Variants in APBB2 observed in about 807,000 individuals in gnomAD.
APBB2 encodes the protein amyloid beta precursor protein binding family B member 2.
In APBB2, 38 loss-of-function variants were observed where a neutral mutation model predicts 82.5. The ratio of observed to expected loss-of-function variants is 0.46; its 90% CI spans 0.36 to 0.60. APBB2 has a LOEUF of 0.60. Ranked by LOEUF, APBB2 falls within the 20% of genes least tolerant of loss-of-function variation. The probability of loss-of-function intolerance (pLI) is 0.00; values close to 1 mark genes in which losing one functional copy is unlikely to be tolerated. For synonymous variants in APBB2, 341 were observed against 368.2 expected, an observed-to-expected ratio of 0.93 and a Z score of 0.85; for missense variants, 772 against 972.3, an observed-to-expected ratio of 0.79 and a Z score of 2.74.
rs1553875174 is a variant in APBB2, at chr4:40,946,254, A to AAAAAAAAAAAAAAAAAAAAAAAAC, written c.836-1182_836-1181insGTTTTTTTTTTTTTTTTTTTTTTT. On this transcript the variant is annotated intron_variant, in intron 6 of 17. Transcript: ENST00000508593. ...CTCCAAAAAAAAAAAAAAAAAAAAAACATTCCCAAGGAAAGCAGATTGGAA... is the reference window on the plus strand; with the variant it reads ...CTCCAAAAAAAAAAAAAAAAAAAAAAAAAAAAAAAAAAAAAAAAAAAAACCATTCCCAAGGAAAGCAGATTGGAA... Among the ~76,000 whole-genome samples the AAAAAAAAAAAAAAAAAAAAAAAAC allele has an allele frequency of 4.4e-4, 50 of 114,588 alleles. 5 individuals carry two copies. Among genetic ancestry groups the AAAAAAAAAAAAAAAAAAAAAAAAC allele is most frequent in the Middle Eastern group, 4.8e-3 (1 of 208 alleles). 75.2% of individuals were successfully genotyped at this position (114,588 alleles called of 152,430 possible).
intron 1 of APBB2, among the ~76,000 whole-genome samples, chr4:41,144,660 A>G (rs1478717056): frequency 2.0e-5 from 3 of 152,246 alleles, no homozygotes; most frequent in African/African-American, 7.2e-5. Flanking sequence ...TTCAAAACCC[A>G]AGTGTCCAGT....
intron 12 of APBB2, among the ~76,000 whole-genome samples, chr4:40,885,075 G>A (rs1173102261): frequency 6.6e-6 from 1 of 152,226 alleles, no homozygotes; most frequent in Non-Finnish European, 1.5e-5. Flanking sequence ...CAACATCACA[G>A]GGTAAACACT....
chr4:41,208,961 A>G (rs978447483), intron 1 of APBB2, among the ~76,000 whole-genome samples: 2 of 152,216 alleles, frequency 1.3e-5, no homozygotes, highest in Non-Finnish European at 2.9e-5. Context: ...AATAAATTAT[A>G]TAGAAAGGGA....
chr4:41,089,143 G>A (rs1295100256), intron 3 of APBB2, among the ~76,000 whole-genome samples: 1 of 152,108 alleles, frequency 6.6e-6, no homozygotes, highest in Non-Finnish European at 1.5e-5. Flanking sequence ...CCAGTGGGTG[G>A]GTGTCAGGAT....
At chr4:40,996,849 T>C (rs1040449648) in intron 6 of APBB2, among the ~76,000 whole-genome samples, 1 of 152,198 alleles carries the variant, frequency 6.6e-6, no homozygotes, top group Non-Finnish European at 1.5e-5. Context: ...CTTTTGAAAC[T>C]GACCCAATTG....
intron 10 of APBB2, among the ~76,000 whole-genome samples, chr4:40,917,049 G>A (rs902294143): frequency 1.3e-5 from 2 of 152,170 alleles, no homozygotes; most frequent in African/African-American, 4.8e-5. Context: ...GGTCAAGTCA[G>A]GGCGGCAACT....
chr4:41,034,772 A>G (rs1256145316), intron 4 of APBB2, among the ~76,000 whole-genome samples: 1 of 152,276 alleles, frequency 6.6e-6, no homozygotes, highest in African/African-American at 2.4e-5. Flanking sequence ...ATGCATTTAC[A>G]TGGAAAATTT....
chr4:41,129,915 G>A (rs1755503741), intron 2 of APBB2, among the ~76,000 whole-genome samples: 1 of 152,102 alleles, frequency 6.6e-6, no homozygotes, highest in South Asian at 2.1e-4. Context: ...AGATCTACAG[G>A]GAAAAAAATT....
intron 2 of APBB2, among the ~76,000 whole-genome samples, chr4:41,103,492 A>G (rs1746136724): frequency 6.6e-6 from 1 of 152,160 alleles, no homozygotes; most frequent in Non-Finnish European, 1.5e-5. Context: ...TTTTTAAAAC[A>G]CAATACTCAA....
chr4:41,081,482 C>T (rs780924176), intron 3 of APBB2, among the ~76,000 whole-genome samples: 2 of 152,174 alleles, frequency 1.3e-5, no homozygotes, highest in East Asian at 1.9e-4. Flanking sequence ...GTAATGCATG[C>T]GTATAAAGGA....
chr4:40,912,369 G>A (rs1778791477), intron 10 of APBB2, among the ~76,000 whole-genome samples: 1 of 152,218 alleles, frequency 6.6e-6, no homozygotes, highest in Admixed American at 6.5e-5. Context: ...ACCAGGTCAG[G>A]AGTTCGAGAC....
chr4:41,019,531 G>A (rs564382443), intron 5 of APBB2, among the ~76,000 whole-genome samples: 3 of 152,314 alleles, frequency 2.0e-5, no homozygotes, highest in Admixed American at 6.5e-5. Flanking sequence ...GGGGTATGGT[G>A]TAGAAGGAAA....
chr4:40,821,791 A>C, intron 17 of APBB2, 80 bp downstream of exon 17: 2 of 1,501,896 alleles, frequency 1.3e-6, no homozygotes, highest in Non-Finnish European at 1.8e-6. Context: ...CATTTCCGTG[A>C]GTGATTCTGC....
chr4:41,005,730 G>A (rs1432677161), intron 6 of APBB2, among the ~76,000 whole-genome samples: 4 of 152,180 alleles, frequency 2.6e-5, no homozygotes, highest in South Asian at 2.1e-4. Context: ...CAAAATATCC[G>A]TGAAGTAAAG....
chr4:40,848,304 T>C (rs1410736465), intron 12 of APBB2, among the ~76,000 whole-genome samples: 1 of 152,156 alleles, frequency 6.6e-6, no homozygotes, highest in East Asian at 1.9e-4. Context: ...AGCCACACAA[T>C]AACCTTGCAG....
intron 3 of APBB2, among the ~76,000 whole-genome samples, chr4:41,085,970 G>T (rs1739504993): frequency 6.6e-6 from 1 of 151,940 alleles, no homozygotes; most frequent in Non-Finnish European, 1.5e-5. Flanking sequence ...CTAAGAAAAA[G>T]AAGACTAACT....
At chr4:40,967,621 G>C (rs1477089968) in intron 6 of APBB2, among the ~76,000 whole-genome samples, 1 of 152,224 alleles carries the variant, frequency 6.6e-6, no homozygotes, top group Non-Finnish European at 1.5e-5. Flanking sequence ...ATGCCTGGCT[G>C]TGTGCAGTGG....
intron 1 of APBB2, among the ~76,000 whole-genome samples, chr4:41,182,240 C>T (rs4412031): frequency 0.025 from 3,744 of 152,292 alleles, 81 homozygotes; most frequent in African/African-American, 0.058. Flanking sequence ...GCTTTCATTC[C>T]TACCATTCTA....
chr4:40,878,538 G>A (rs988815950), intron 12 of APBB2, among the ~76,000 whole-genome samples: 1 of 152,010 alleles, frequency 6.6e-6, no homozygotes. Flanking sequence ...CCCCCTGTCC[G>A]GATCTCCCTC....
Sources: gnomAD v4.1 joint callset for allele counts (sites outside exome capture counted in the v4.1 genomes callset) on GRCh38, gnomAD v4.1.1 for gene constraint, MANE v1.5 for transcripts, NCBI Gene and HGNC (gene_info 2026-07-23, HGNC 2026-07-21) for gene names.